Variants in ELK4 observed in about 807,000 individuals in gnomAD.
ELK4 encodes the protein ETS domain-containing protein Elk-4.
Under a neutral mutation model 29.6 loss-of-function variants are expected in ELK4, and 16 were observed. That is an observed-to-expected ratio of 0.54 (90% confidence interval 0.37 to 0.82). The LOEUF is 0.82. Among genes scored for constraint, ELK4 ranks in the 40% least tolerant of loss-of-function variants. ELK4 has a pLI of 0.00. For missense variants in ELK4, 465 were observed against 507.1 expected (o/e 0.92, Z 0.80); for synonymous variants, 213 against 191.1 (o/e 1.11, Z -0.95).
chr1:205,608,471 C>T lies in ELK4; in HGVS notation c.*8075G>A, dbSNP rs1670105301. 2 of 195,356 alleles carry T rather than the reference C, an allele frequency of 1.0e-5. No homozygotes were observed. The highest frequency in any genetic ancestry group is 1.2e-4 in the Admixed American group (2 of 16,394). The allele number at this position is 195,356 out of a possible 1,614,324, so 12.1% of individuals were successfully genotyped here. Reference sequence around the variant, plus strand: ...CCAACAGGTAAGTCAGACTGCTTAGCTAGGAGATGTGGCAGCTTCCCTCCA... The same window carrying T: ...CCAACAGGTAAGTCAGACTGCTTAGTTAGGAGATGTGGCAGCTTCCCTCCA... On this transcript the variant is annotated 3_prime_UTR_variant, in exon 5 of 5. Transcript: ENST00000357992.
At position 205,608,209 on chromosome 1, in the gene ELK4, G is replaced by A. The variant is rs1257899137; in HGVS notation, c.*8337C>T. On this transcript the variant is annotated 3_prime_UTR_variant, in exon 5 of 5. Coordinates refer to ENST00000357992, the MANE Select transcript of ELK4 (RefSeq NM_001973.4). ...TTTGCATAAAACCTGGGAAGTGATAGAAAAAATGATCACCTGATTGGTCAG... is the reference window on the plus strand; with the variant it reads ...TTTGCATAAAACCTGGGAAGTGATAAAAAAAATGATCACCTGATTGGTCAG... The A allele has an allele frequency of 1.6e-5, 3 of 183,478 alleles. No individual in the cohort carries two copies. The highest frequency in any genetic ancestry group is 3.4e-5 in the Non-Finnish European group (3 of 87,068). The allele number at this position is 183,478 out of a possible 1,614,324, so 11.4% of individuals were successfully genotyped here. A position where few individuals can be genotyped will look rare whatever the true frequency, so the allele number is the denominator to read the frequency against.
At chr1:205,629,960 G>A (rs1670545017) in intron 1 of ELK4, among the ~76,000 whole-genome samples, 1 of 150,746 alleles carries the variant, frequency 6.6e-6, no homozygotes, top group Non-Finnish European at 1.5e-5. Flanking sequence ...GAGAATGGCC[G>A]GGAGATGGAG....
chr1:205,630,603 C>A (rs551556429), intron 1 of ELK4, among the ~76,000 whole-genome samples: 14 of 152,322 alleles, frequency 9.2e-5, no homozygotes, highest in African/African-American at 3.1e-4. Flanking sequence ...ACTACACAGG[C>A]TCCTAAAAAA....
chr1:205,621,492 T>C (rs1274406234), intron 2 of ELK4, among the ~76,000 whole-genome samples: 1 of 152,292 alleles, frequency 6.6e-6, no homozygotes, highest in East Asian at 1.9e-4. Flanking sequence ...GTATAAGCCA[T>C]ACACATCCTG....
In ELK4 at chr1:205,608,127, A is replaced by T. The variant is rs1483932780; in HGVS notation, c.*8419T>A. 1.6e-5 allele frequency: 3 copies of T among 185,106 alleles called. No homozygotes were observed. The highest frequency in any genetic ancestry group is 8.7e-5 in the East Asian group (1 of 11,462). The allele number at this position is 185,106 out of a possible 1,614,324, so 11.5% of individuals were successfully genotyped here. On this transcript the variant is annotated 3_prime_UTR_variant, in exon 5 of 5. Transcript: ENST00000357992. ...CAGTTCTTACATAAAATAGATTTTT[A>T]AAAATGTATATCTTTCCTAAAAGAT... is the stretch of plus-strand genomic sequence containing the variant.
intron 1 of ELK4, among the ~76,000 whole-genome samples, chr1:205,628,828 A>C (rs1670515923): frequency 6.6e-6 from 1 of 151,842 alleles, no homozygotes; most frequent in South Asian, 2.1e-4. Context: ...GCTGATGCTT[A>C]TTTAGCAACT....
At chr1:205,625,392 C>A in intron 1 of ELK4, 3 of 485,482 alleles carry the variant, frequency 6.2e-6, no homozygotes, top group Non-Finnish European at 7.6e-6. Context: ...TTGGCTGAAT[C>A]TGCCTACTTG....
At chr1:205,622,119 C>T (rs1470239222) in intron 2 of ELK4, among the ~76,000 whole-genome samples, 1 of 151,978 alleles carries the variant, frequency 6.6e-6, no homozygotes, top group Non-Finnish European at 1.5e-5. Flanking sequence ...GAGGCTGAGG[C>T]AGGTGAATCA....
Position 205,631,833 on chromosome 1 carries a change from C to T in ELK4, c.-211G>A, listed in dbSNP as rs1244266843. 1.3e-5 allele frequency: 2 copies of T among 150,394 alleles called. No homozygotes were observed. Among genetic ancestry groups the T allele is most frequent in the African/African-American group, 2.4e-5 (1 of 40,916 alleles). The allele number at this position is 150,394 out of a possible 1,614,324, so 9.3% of individuals were successfully genotyped here. ...GCCCGCATCTCCCGCCGCCGCGGCT[C>T]CTGGCGCCCCGCCCTCCCCGCCCCC... On this transcript the variant is annotated 5_prime_UTR_variant, in exon 1 of 5. Transcript: ENST00000357992.
In ELK4 at chr1:205,631,688, C is replaced by A. The variant is rs776009836; in HGVS notation, c.-66G>T. 1.2e-5 allele frequency: 4 copies of A among 343,618 alleles called. No individual in the cohort carries two copies. Among genetic ancestry groups the A allele is most frequent in the South Asian group, 5.8e-5 (3 of 51,520 alleles). 21.3% of individuals were successfully genotyped at this position (343,618 alleles called of 1,614,324 possible). A position where few individuals can be genotyped will look rare whatever the true frequency, so the allele number is the denominator to read the frequency against. On this transcript the variant is annotated 5_prime_UTR_variant, in exon 1 of 5. Coordinates refer to ENST00000357992, the MANE Select transcript of ELK4 (RefSeq NM_001973.4). ...CCGCCTCGAACACGATGCGCCTCTC[C>A]GCCCTCAGCCTCCTCCTCACGCTGG...
intron 4 of ELK4, 46 bp from the exon 5 acceptor site, chr1:205,616,690 A>G (rs1315210050): frequency 5.2e-6 from 8 of 1,545,986 alleles, no homozygotes; most frequent in Non-Finnish European, 7.1e-6. Context: ...ACTCAACCCC[A>G]ACTTTTACTT....
chr1:205,626,094 C>A, intron 1 of ELK4: 1 of 909,016 alleles, frequency 1.1e-6, no homozygotes, highest in Non-Finnish European at 1.8e-6. Context: ...CTACCAGGAA[C>A]ACCATGAAGA....
chr1:205,617,910 ATT>A (rs966830094), intron 4 of ELK4, among the ~76,000 whole-genome samples: 1 of 151,922 alleles, frequency 6.6e-6, no homozygotes, highest in Non-Finnish European at 1.5e-5. Flanking sequence ...TCAAAAAAAA[ATT>A]TTTTTTAATC....
At chr1:205,623,651 A>G (rs1670396790) in intron 2 of ELK4, 25 bp downstream of exon 2, 1 of 1,611,164 alleles carries the variant, frequency 6.2e-7, no homozygotes, top group Non-Finnish European at 8.5e-7. Context: ...TTCTCTGTAT[A>G]GTATAAGATC....
rs772508129 is a variant in ELK4, at chr1:205,620,419, T to G, written c.627A>C (p.Ser209=). The G allele has an allele frequency of 3.1e-6, 5 of 1,614,126 alleles. No individual in the cohort carries two copies. The Admixed American group carries it at 8.3e-5, about 27-fold the overall frequency. The change falls in exon 3 of 5, where the codon TCA becomes TCC. Residue 209 remains serine, a synonymous_variant. Transcript: ENST00000357992. The stretch of plus-strand genomic sequence containing the variant: ...AAGATGGAGAAATACTTGGGCCAAT[T>G]GAAATGGTGGCAGCAACAGGTTCAA... ...PPVEPVAATI[S]IGPSISPSSE...
chr1:205,630,649 T>C (rs998821620), intron 1 of ELK4, among the ~76,000 whole-genome samples: 4 of 152,242 alleles, frequency 2.6e-5, no homozygotes, highest in African/African-American at 9.6e-5. Context: ...GTTCTTACAA[T>C]ATTCTTACAA....
intron 1 of ELK4, among the ~76,000 whole-genome samples, chr1:205,627,862 C>A (rs1670497466): frequency 6.6e-6 from 1 of 152,158 alleles, no homozygotes; most frequent in Non-Finnish European, 1.5e-5. Context: ...GCTGGTTGTA[C>A]AGAGACAGTC....
At chr1:205,628,997 C>A (rs1276335715) in intron 1 of ELK4, among the ~76,000 whole-genome samples, 1 of 151,496 alleles carries the variant, frequency 6.6e-6, no homozygotes, top group Non-Finnish European at 1.5e-5. Context: ...CAAGGTGAAA[C>A]CCCCGTGTCT....
At position 205,620,388 on chromosome 1, in the gene ELK4, C is replaced by T. The variant is rs1324346361; in HGVS notation, c.658G>A (p.Glu220Lys). The T allele has an allele frequency of 6.2e-7, 1 of 1,614,176 alleles. No homozygotes were observed. Among genetic ancestry groups the T allele is most frequent in the Non-Finnish European group, 8.5e-7 (1 of 1,180,030 alleles). Residue 220 changes from glutamate (E) to lysine (K), a missense_variant, in exon 3 of 5, where the codon GAA becomes AAA. Transcript: ENST00000357992. The part of the protein sequence containing the change: ...IGPSISPSSE[E>K]TIQALETLVS... ...AATGTCTCCAAAGCTTGGATAGTTT[C>T]TTCTGAAGATGGAGAAATACTTGGG...
Sources: allele counts gnomAD v4.1 joint callset (sites outside exome capture counted in the v4.1 genomes callset), GRCh38; gene constraint gnomAD v4.1.1; transcripts MANE v1.5; gene names NCBI Gene and HGNC (gene_info 2026-07-23, HGNC 2026-07-21).